The following PCDHA12 variants were observed in gnomAD, a reference collection of about 807,000 sequenced individuals.
PCDHA12 encodes protocadherin alpha 12, also known as protocadherin alpha-12.
A neutral mutation model predicts 60.0 loss-of-function variants in PCDHA12; 44 were observed. That is an observed-to-expected ratio of 0.73 (90% CI 0.58 to 0.94). The LOEUF (loss-of-function observed/expected upper bound fraction) is 0.94. Ranked by LOEUF, PCDHA12 falls within the 40% of genes least tolerant of loss-of-function variation. The pLI is 0.00. For missense variants in PCDHA12, 1,276 were observed against 1,239.7 expected (o/e 1.03, Z -0.44); for synonymous variants, 569 against 553.0 (o/e 1.03, Z -0.40).
intron 1 of PCDHA12, among the ~76,000 whole-genome samples, chr5:140,952,668 T>C (rs960968372): frequency 6.6e-6 from 1 of 152,234 alleles, no homozygotes. Context: ...CAAAGTCACT[T>C]TCACATTTTC....
At chr5:140,967,613 G>C in intron 1 of PCDHA12, 1 of 1,614,182 alleles carries the variant, frequency 6.2e-7, no homozygotes, top group Non-Finnish European at 8.5e-7. Flanking sequence ...GAATGCCTCA[G>C]ACCCGGATGA....
At chr5:140,899,654 GTC>G (rs1197760857) in intron 1 of PCDHA12, among the ~76,000 whole-genome samples, 4 of 152,276 alleles carry the variant, frequency 2.6e-5, no homozygotes, top group African/African-American at 9.6e-5. Context: ...ATTTGGTTGT[GTC>G]TCTGCCCGGC....
intron 1 of PCDHA12, among the ~76,000 whole-genome samples, chr5:140,974,059 G>A (rs1233997260): frequency 6.6e-6 from 1 of 152,180 alleles, no homozygotes; most frequent in Non-Finnish European, 1.5e-5. Context: ...AATATTTGGA[G>A]CAGTATAATC....
Position 140,969,197 on chromosome 5 carries a change from A to G in PCDHA12, c.2368-9752A>G, listed in dbSNP as rs782342139. 4 of 1,614,132 alleles carry G rather than the reference A, an allele frequency of 2.5e-6. No individual in the cohort carries two copies. In the South Asian group the frequency reaches 4.4e-5, roughly 18 times the overall value. On this transcript the variant is annotated intron_variant, in intron 1 of 3. Coordinates refer to ENST00000398631, the MANE Select transcript of PCDHA12 (RefSeq NM_018903.4). ...GAGTGACACTTTCATGTTTTACAAT[A>G]CAGGGGCCCAGACAGGACCAGGGCC...
At chr5:141,005,610 G>C (rs1184044588) in intron 3 of PCDHA12, among the ~76,000 whole-genome samples, 1 of 147,582 alleles carries the variant, frequency 6.8e-6, no homozygotes, top group Non-Finnish European at 1.5e-5. Context: ...GCTGAGGCAG[G>C]AGAATGGCGT....
intron 1 of PCDHA12, chr5:140,928,607 G>T: frequency 1.2e-6 from 2 of 1,614,188 alleles, no homozygotes; most frequent in Non-Finnish European, 1.7e-6. Context: ...ATTGTGCCCC[G>T]CTCTGCCAGG....
intron 1 of PCDHA12, among the ~76,000 whole-genome samples, chr5:140,880,368 T>G (rs1372331901): frequency 6.6e-6 from 1 of 152,170 alleles, no homozygotes; most frequent in African/African-American, 2.4e-5. Context: ...ATGAAAACCA[T>G]GAGAGAATAG....
At position 140,970,091 on chromosome 5, in the gene PCDHA12, G is replaced by A. The variant is rs542039822; in HGVS notation, c.2368-8858G>A. ...AATGAGTGGATTAGGGGTGTGGGGG[G>A]ATGGTGAAGACCAAGAGAAGCTGGG... On this transcript the variant is annotated intron_variant, in intron 1 of 3. Coordinates refer to ENST00000398631, the MANE Select transcript of PCDHA12 (RefSeq NM_018903.4). 3.9e-4 allele frequency among the ~76,000 whole-genome samples: 59 copies of A among 152,258 alleles called. 1 individual carries two copies. Among genetic ancestry groups the A allele is most frequent in the Admixed American group, 1.1e-3 (17 of 15,292 alleles).
At chr5:140,879,026 A>G (rs1381722750) in intron 1 of PCDHA12, among the ~76,000 whole-genome samples, 2 of 152,234 alleles carry the variant, frequency 1.3e-5, no homozygotes, top group Non-Finnish European at 2.9e-5. Context: ...GTTTTATTGA[A>G]GAGTGTCTTG....
At chr5:141,003,689 A>G (rs2098134450) in intron 3 of PCDHA12, among the ~76,000 whole-genome samples, 3 of 152,228 alleles carry the variant, frequency 2.0e-5, no homozygotes, top group African/African-American at 7.2e-5. Flanking sequence ...ATTTTAAAAT[A>G]TATCCCTACC....
At chr5:140,948,371 T>G (rs1310252601) in intron 1 of PCDHA12, among the ~76,000 whole-genome samples, 1 of 151,586 alleles carries the variant, frequency 6.6e-6, no homozygotes, top group Non-Finnish European at 1.5e-5. Flanking sequence ...TTAGGAGGTG[T>G]TCCTTCCTCT....
intron 3 of PCDHA12, among the ~76,000 whole-genome samples, chr5:141,008,053 C>T (rs1554261648): frequency 6.6e-6 from 1 of 152,056 alleles, no homozygotes; most frequent in African/African-American, 2.4e-5. Context: ...AACAGGGGTC[C>T]AGTCCATCTA....
In PCDHA12 at chr5:140,946,631, T is replaced by TATATATATATATACAC. The variant is rs57893927; in HGVS notation, c.2368-32317_2368-32316insTATATATATATACACA. ...TGTGAAATATATATATATATATATA[T>TATATATATATATACAC]ACAATGGAATACTCATCAGCCATTA... On this transcript the variant is annotated intron_variant, in intron 1 of 3. Coordinates refer to ENST00000398631, the MANE Select transcript of PCDHA12 (RefSeq NM_018903.4). Among the ~76,000 whole-genome samples the TATATATATATATACAC allele has an allele frequency of 4.3e-4, 57 of 131,850 alleles. 1 individual carries two copies. Among genetic ancestry groups the TATATATATATATACAC allele is most frequent in the East Asian group, 1.6e-3 (8 of 4,866 alleles). The allele number at this position is 131,850 out of a possible 152,430, so 86.5% of individuals were successfully genotyped here.
intron 1 of PCDHA12, among the ~76,000 whole-genome samples, chr5:140,879,733 A>G (rs1213918807): frequency 6.6e-6 from 1 of 152,218 alleles, no homozygotes; most frequent in African/African-American, 2.4e-5. Flanking sequence ...GTCCAAAATC[A>G]AGGTGTTGTC....
chr5:141,000,163 A>G (rs2097894710), intron 3 of PCDHA12, among the ~76,000 whole-genome samples: 1 of 152,054 alleles, frequency 6.6e-6, no homozygotes, highest in African/African-American at 2.4e-5. Context: ...AAACTATTTG[A>G]TTATTGAGCC....
chr5:140,882,153 A>C (rs1197738298), intron 1 of PCDHA12: 8 of 1,505,202 alleles, frequency 5.3e-6, no homozygotes, highest in Non-Finnish European at 7.1e-6. Flanking sequence ...CAGAAAGCGG[A>C]ATACCTCTTG....
At chr5:141,005,488 G>A (rs138290389) in intron 3 of PCDHA12, among the ~76,000 whole-genome samples, 2,990 of 151,856 alleles carry the variant, frequency 0.02, 115 homozygotes, top group African/African-American at 0.068. Flanking sequence ...CGGATCATGA[G>A]GTCAGGAGAT....
chr5:140,882,132 A>C, intron 1 of PCDHA12: 1 of 1,475,878 alleles, frequency 6.8e-7, no homozygotes. Flanking sequence ...TTCTTCCTGC[A>C]GAAAATATAG....
intron 1 of PCDHA12, among the ~76,000 whole-genome samples, chr5:140,949,539 A>G (rs971813092): frequency 6.6e-6 from 1 of 151,744 alleles, no homozygotes; most frequent in Admixed American, 6.6e-5. Context: ...TAAAATATCG[A>G]TTTGTTGCTG....
Sources: allele counts gnomAD v4.1 joint callset (sites outside exome capture counted in the v4.1 genomes callset), GRCh38; gene constraint gnomAD v4.1.1; transcripts MANE v1.5; gene names NCBI Gene and HGNC (gene_info 2026-07-23, HGNC 2026-07-21).